Variants in LRCH1 observed in about 807,000 individuals in gnomAD.
The protein encoded by LRCH1 is leucine rich repeats and calponin homology domain containing 1.
Under a neutral mutation model 94.9 loss-of-function variants are expected in LRCH1, and 23 were observed. The observed-to-expected ratio is 0.24, with a 90% CI of 0.17 to 0.34. LRCH1 has a LOEUF of 0.34. LRCH1 is among the 10% of genes least tolerant of loss of function. The pLI is 1.00. For synonymous variants in LRCH1, 364 were observed against 354.9 expected, an observed-to-expected ratio of 1.03 and a Z score of -0.29; for missense variants, 790 against 945.9, an observed-to-expected ratio of 0.84 and a Z score of 2.16.
chr13:46,589,593 C>CTTTTTTTT (rs762747151), intron 1 of LRCH1, among the ~76,000 whole-genome samples: 40 of 77,688 alleles, frequency 5.1e-4, no homozygotes, highest in African/African-American at 6.0e-4. Flanking sequence ...AGTTCTCTCA[C>CTTTTTTTT]TTTTTTTTTT....
chr13:46,632,019 T>A (rs1375335212), intron 1 of LRCH1, among the ~76,000 whole-genome samples: 1 of 152,164 alleles, frequency 6.6e-6, no homozygotes, highest in East Asian at 1.9e-4. Context: ...CTGGCCAACA[T>A]GGTGGAACCC....
chr13:46,687,179 T>C (rs959263227), intron 5 of LRCH1, among the ~76,000 whole-genome samples: 3 of 152,072 alleles, frequency 2.0e-5, no homozygotes, highest in African/African-American at 7.2e-5. Flanking sequence ...GGCTGCTCTC[T>C]AATTCCTGAC....
At chr13:46,587,242 G>A (rs2050445532) in intron 1 of LRCH1, among the ~76,000 whole-genome samples, 1 of 152,128 alleles carries the variant, frequency 6.6e-6, no homozygotes, top group African/African-American at 2.4e-5. Flanking sequence ...TGCCCTCTTT[G>A]TCTTTGACTG....
chr13:46,653,812 AC>A (rs1426709054), intron 2 of LRCH1, among the ~76,000 whole-genome samples: 1 of 152,144 alleles, frequency 6.6e-6, no homozygotes, highest in Non-Finnish European at 1.5e-5. Context: ...ACGGAACAAG[AC>A]CCTGTCTCAA....
chr13:46,655,616 A>C (rs2051360484), intron 2 of LRCH1, among the ~76,000 whole-genome samples: 1 of 152,226 alleles, frequency 6.6e-6, no homozygotes, highest in African/African-American at 2.4e-5. Flanking sequence ...TTACACAGGA[A>C]AGCCTCACAA....
At chr13:46,697,590 CTG>C (rs1422493443) in intron 9 of LRCH1, among the ~76,000 whole-genome samples, 1 of 152,138 alleles carries the variant, frequency 6.6e-6, no homozygotes, top group African/African-American at 2.4e-5. Context: ...ACTAACTAGA[CTG>C]TGAAAAAGGA....
chr13:46,597,433 T>C (rs549195814), intron 1 of LRCH1, among the ~76,000 whole-genome samples: 5 of 152,198 alleles, frequency 3.3e-5, no homozygotes, highest in Admixed American at 6.5e-5. Flanking sequence ...CTTGGCTCAC[T>C]GCAACTTCCG....
intron 1 of LRCH1, among the ~76,000 whole-genome samples, chr13:46,585,349 A>T (rs1886220): frequency 6.6e-6 from 1 of 151,968 alleles, no homozygotes; most frequent in African/African-American, 2.4e-5. Flanking sequence ...AGGCCGAGGC[A>T]GGCGGATCAC....
At chr13:46,665,797 G>C (rs2051506884) in intron 2 of LRCH1, among the ~76,000 whole-genome samples, 1 of 152,182 alleles carries the variant, frequency 6.6e-6, no homozygotes, top group South Asian at 2.1e-4. Context: ...AAGACCAGGG[G>C]TGTAGGATAG....
At chr13:46,576,492 C>T (rs1164120156) in intron 1 of LRCH1, among the ~76,000 whole-genome samples, 1 of 152,176 alleles carries the variant, frequency 6.6e-6, no homozygotes, top group African/African-American at 2.4e-5. Context: ...TATTTTGAGA[C>T]CATTCTGAGA....
chr13:46,643,878 T>C (rs2051189146), intron 1 of LRCH1, among the ~76,000 whole-genome samples: 1 of 152,242 alleles, frequency 6.6e-6, no homozygotes, highest in South Asian at 2.1e-4. Context: ...GCCCATCAGC[T>C]GACCTATTTT....
chr13:46,670,120 C>T (rs1749398051), intron 3 of LRCH1, among the ~76,000 whole-genome samples: 1 of 152,162 alleles, frequency 6.6e-6, no homozygotes, highest in African/African-American at 2.4e-5. Context: ...GTGATGGCAC[C>T]CATGTCACAT....
intron 2 of LRCH1, among the ~76,000 whole-genome samples, chr13:46,667,272 A>T (rs2051529514): frequency 6.6e-6 from 1 of 152,038 alleles, no homozygotes; most frequent in African/African-American, 2.4e-5. Context: ...CCAGATTAGA[A>T]AGGTTCTTTC....
At chr13:46,678,941 C>T (rs1246662530) in intron 3 of LRCH1, among the ~76,000 whole-genome samples, 3 of 152,084 alleles carry the variant, frequency 2.0e-5, no homozygotes, top group Non-Finnish European at 4.4e-5. Context: ...TTTTTGCTTT[C>T]CTCTCCTCCT....
intron 15 of LRCH1, among the ~76,000 whole-genome samples, chr13:46,714,141 T>A (rs1468520055): frequency 6.6e-6 from 1 of 152,190 alleles, no homozygotes; most frequent in Non-Finnish European, 1.5e-5. Flanking sequence ...GAGCTTTTAT[T>A]TTGAATAGCA....
intron 1 of LRCH1, among the ~76,000 whole-genome samples, chr13:46,628,949 T>C (rs951955222): frequency 1.3e-5 from 2 of 152,226 alleles, no homozygotes; most frequent in African/African-American, 4.8e-5. Flanking sequence ...CTAAACATCA[T>C]GGAATGTACC....
chr13:46,698,952 C>G (rs1871330585), intron 9 of LRCH1, among the ~76,000 whole-genome samples: 3 of 152,186 alleles, frequency 2.0e-5, no homozygotes, highest in Admixed American at 2.0e-4. Flanking sequence ...ATAACAACTC[C>G]CTCGTTCCTT....
intron 2 of LRCH1, among the ~76,000 whole-genome samples, chr13:46,659,038 AT>A (rs1202255520): frequency 6.6e-6 from 1 of 152,174 alleles, no homozygotes; most frequent in African/African-American, 2.4e-5. Context: ...ATTGTAACAC[AT>A]TTTGCATCTG....
intron 9 of LRCH1, among the ~76,000 whole-genome samples, chr13:46,697,445 C>T (rs1436992120): frequency 6.6e-6 from 1 of 152,188 alleles, no homozygotes; most frequent in African/African-American, 2.4e-5. Context: ...GCTTGTCTAA[C>T]ACACGTATTG....
Sources: gnomAD v4.1 joint callset for allele counts (sites outside exome capture counted in the v4.1 genomes callset) on GRCh38, gnomAD v4.1.1 for gene constraint, MANE v1.5 for transcripts, NCBI Gene and HGNC (gene_info 2026-07-23, HGNC 2026-07-21) for gene names.